RGS6: variants seen among roughly 807,000 people sequenced by gnomAD.
RGS6 encodes the protein regulator of G protein signaling 6, also known as regulator of G-protein signaling 6.
In RGS6, 30 loss-of-function variants were observed where a neutral mutation model predicts 78.5. The ratio of observed to expected loss-of-function variants is 0.38; its 90% CI spans 0.29 to 0.52. RGS6 has a LOEUF of 0.52. Among genes scored for constraint, RGS6 ranks in the 20% least tolerant of loss-of-function variants. The pLI is 0.85. For missense variants in RGS6, 495 were observed against 609.7 expected, an observed-to-expected ratio of 0.81 and a Z score of 1.98; for synonymous variants, 206 against 206.0, an observed-to-expected ratio of 1.00 and a Z score of 0.00.
chr14:72,199,317 G>C (rs905436149), intron 2 of RGS6, among the ~76,000 whole-genome samples: 1 of 152,176 alleles, frequency 6.6e-6, no homozygotes. Flanking sequence ...TTCGTATTTA[G>C]TTTTTACACT....
intron 2 of RGS6, among the ~76,000 whole-genome samples, chr14:72,345,327 C>T (rs1180108529): frequency 6.6e-6 from 1 of 152,206 alleles, no homozygotes; most frequent in Non-Finnish European, 1.5e-5. Context: ...CAGCCCCCAT[C>T]TTTGGAGATT....
chr14:72,107,359 A>C (rs888352952), intron 2 of RGS6, among the ~76,000 whole-genome samples: 2 of 152,198 alleles, frequency 1.3e-5, no homozygotes, highest in Non-Finnish European at 2.9e-5. Context: ...AGCCTCTTCA[A>C]CTTGGCTCTT....
At chr14:72,152,881 A>T (rs901626259) in intron 2 of RGS6, among the ~76,000 whole-genome samples, 1 of 152,078 alleles carries the variant, frequency 6.6e-6, no homozygotes, top group Non-Finnish European at 1.5e-5. Context: ...AGAAAAATGG[A>T]ATTTATTGGG....
intron 3 of RGS6, among the ~76,000 whole-genome samples, chr14:72,366,861 G>T (rs1213186137): frequency 6.6e-6 from 1 of 152,190 alleles, no homozygotes; most frequent in Non-Finnish European, 1.5e-5. Flanking sequence ...AGATTGTGCA[G>T]CTTTGCCCAG....
intron 2 of RGS6, among the ~76,000 whole-genome samples, chr14:72,323,048 A>G (rs2072544076): frequency 2.0e-5 from 3 of 152,182 alleles, no homozygotes; most frequent in African/African-American, 7.2e-5. Flanking sequence ...TAGCTAGCCT[A>G]AGTAAACAAA....
At chr14:71,957,609 C>A (rs1444464955) in intron 1 of RGS6, among the ~76,000 whole-genome samples, 1 of 152,000 alleles carries the variant, frequency 6.6e-6, no homozygotes, top group Non-Finnish European at 1.5e-5. Context: ...AGTTCAGAGC[C>A]CTGGTGAGAG....
intron 3 of RGS6, among the ~76,000 whole-genome samples, chr14:72,434,177 A>C (rs539289934): frequency 6.6e-6 from 1 of 152,072 alleles, no homozygotes; most frequent in African/African-American, 2.4e-5. Flanking sequence ...CTCCACAAAA[A>C]AATTAAAAAA....
intron 2 of RGS6, among the ~76,000 whole-genome samples, chr14:71,983,536 G>C (rs2094553737): frequency 6.6e-6 from 1 of 152,190 alleles, no homozygotes; most frequent in Non-Finnish European, 1.5e-5. Context: ...CCATTTGAAG[G>C]CTTAGGGAAG....
intron 2 of RGS6, among the ~76,000 whole-genome samples, chr14:72,051,634 A>G (rs2093252218): frequency 6.6e-6 from 1 of 152,170 alleles, no homozygotes; most frequent in African/African-American, 2.4e-5. Flanking sequence ...AGTTTATCCT[A>G]ATCATAGGTT....
At chr14:72,147,446 A>G (rs1259806908) in intron 2 of RGS6, among the ~76,000 whole-genome samples, 1 of 152,208 alleles carries the variant, frequency 6.6e-6, no homozygotes, top group Non-Finnish European at 1.5e-5. Context: ...GCAAGAGAAC[A>G]TGTGCACAAG....
the RGS6 span, among the ~76,000 whole-genome samples, chr14:71,922,299 A>T: frequency 6.6e-6 from 1 of 152,344 alleles, no homozygotes; most frequent in Admixed American, 6.5e-5. Context: ...GGTTCTCATT[A>T]CTTTTTCCTC....
chr14:72,417,381 C>A (rs1242512157), intron 3 of RGS6, among the ~76,000 whole-genome samples: 1 of 152,114 alleles, frequency 6.6e-6, no homozygotes, highest in African/African-American at 2.4e-5. Context: ...CCAGCCATGA[C>A]AATTAAGTGC....
intron 3 of RGS6, among the ~76,000 whole-genome samples, chr14:72,397,606 G>A (rs1370551023): frequency 6.6e-6 from 1 of 152,136 alleles, no homozygotes; most frequent in Non-Finnish European, 1.5e-5. Context: ...AGTGGTGAGA[G>A]AGGGCATCCC....
At chr14:72,520,622 G>A (rs1328257328) in intron 15 of RGS6, among the ~76,000 whole-genome samples, 1 of 152,198 alleles carries the variant, frequency 6.6e-6, no homozygotes, top group Non-Finnish European at 1.5e-5. Context: ...TTAACTAGCA[G>A]TACAATTCAC....
At chr14:72,426,242 G>T (rs929063566) in intron 3 of RGS6, among the ~76,000 whole-genome samples, 3 of 152,130 alleles carry the variant, frequency 2.0e-5, no homozygotes, top group Non-Finnish European at 4.4e-5. Flanking sequence ...AGCAGGTGGC[G>T]TTATTCTTCC....
At position 72,031,237 on chromosome 14, in the gene RGS6, T is replaced by A. The variant is rs185658438; in HGVS notation, c.84+66362T>A. On this transcript the variant is annotated intron_variant, in intron 2 of 17. Coordinates refer to ENST00000553525, the MANE Select transcript of RGS6 (RefSeq NM_001204424.2). ...TTGTGCTGTTTAAGGAATGGTATTT[T>A]ACCCATTAGTGATAATCCATGAATG... Among the ~76,000 whole-genome samples the A allele has an allele frequency of 1.3e-4, 20 of 152,300 alleles. No individual in the cohort carries two copies. The East Asian group carries it at 3.9e-3, about 29-fold the overall frequency.
At chr14:71,881,771 C>G in the RGS6 span, among the ~76,000 whole-genome samples, 1 of 152,260 alleles carries the variant, frequency 6.6e-6, no homozygotes, top group East Asian at 1.9e-4. Context: ...GAGGCTGACA[C>G]AATGTAGGAG....
chr14:72,011,619 T>C (rs997139279), intron 2 of RGS6, among the ~76,000 whole-genome samples: 4 of 151,918 alleles, frequency 2.6e-5, no homozygotes, highest in African/African-American at 9.7e-5. Context: ...CCCAATAGAG[T>C]ATAACAACTA....
chr14:71,982,752 C>T (rs1324176948), intron 2 of RGS6, among the ~76,000 whole-genome samples: 2 of 152,202 alleles, frequency 1.3e-5, no homozygotes, highest in Admixed American at 1.3e-4. Flanking sequence ...TAGTTTTCTT[C>T]TTTCAGGTCA....
Sources: gnomAD v4.1 joint callset for allele counts (sites outside exome capture counted in the v4.1 genomes callset) on GRCh38, gnomAD v4.1.1 for gene constraint, MANE v1.5 for transcripts, NCBI Gene and HGNC (gene_info 2026-07-23, HGNC 2026-07-21) for gene names.